Variants in ZFAND3 observed in about 807,000 individuals in gnomAD.
ZFAND3 encodes the protein AN1-type zinc finger protein 3.
ZFAND3 carries 10 observed loss-of-function variants against 29.6 expected under a neutral mutation model. The ratio of observed to expected loss-of-function variants is 0.34; its 90% CI spans 0.21 to 0.57. The LOEUF is 0.57. Ranked by LOEUF, ZFAND3 falls within the 20% of genes least tolerant of loss-of-function variation. ZFAND3 has a pLI of 0.86. For synonymous variants in ZFAND3, 128 were observed against 112.6 expected (o/e 1.14, Z -0.87); for missense variants, 230 against 304.5 (o/e 0.76, Z 1.82).
chr6:38,116,686 A>G lies in ZFAND3; in HGVS notation c.476A>G (p.Gln159Arg). Residue 159 changes from glutamine (Q) to arginine (R), a missense_variant, in exon 5 of 6, where the codon CAG (glutamine) becomes CGG (arginine). This residue lies in a region of ZFAND3 where 180 missense variants were observed against 202.5 expected (regional missense o/e 0.89). Coordinates refer to ENST00000287218, the MANE Select transcript of ZFAND3 (RefSeq NM_021943.3). Reference protein sequence around the residue: ...SKQKSRRRCFQCQTKLELVQQ... With the variant: ...SKQKSRRRCFRCQTKLELVQQ... ...CAGAAGAGTCGACGTCGGTGCTTCC[A>G]GTGCCAAACCAAACTGGAGCTGGTG... 5 of 1,614,190 alleles carry G rather than the reference A, an allele frequency of 3.1e-6. No individual in the cohort carries two copies. Among genetic ancestry groups the G allele is most frequent in the Non-Finnish European group, 4.2e-6 (5 of 1,180,014 alleles).
intron 1 of ZFAND3, among the ~76,000 whole-genome samples, chr6:37,874,885 A>G (rs541385442): frequency 2.6e-5 from 4 of 152,262 alleles, no homozygotes; most frequent in Admixed American, 1.3e-4. Context: ...CTGTAACACC[A>G]TTCTTAGCTG....
intron 1 of ZFAND3, among the ~76,000 whole-genome samples, chr6:37,835,563 A>T (rs924656445): frequency 1.2e-4 from 18 of 150,006 alleles, no homozygotes; most frequent in South Asian, 2.1e-4. Flanking sequence ...ATCCTTTTTT[A>T]AAAAAATTAT....
intron 3 of ZFAND3, among the ~76,000 whole-genome samples, chr6:38,068,691 C>T (rs1764392918): frequency 6.6e-6 from 1 of 152,072 alleles, no homozygotes; most frequent in Non-Finnish European, 1.5e-5. Context: ...ACTGCATCCA[C>T]CCAAGACATA....
At chr6:37,843,906 AT>A (rs1056559131) in intron 1 of ZFAND3, among the ~76,000 whole-genome samples, 11 of 151,080 alleles carry the variant, frequency 7.3e-5, no homozygotes, top group Admixed American at 2.6e-4. Context: ...CAATAAGATT[AT>A]TTTTTTTCTA....
chr6:37,957,096 A>C (rs926672969), intron 2 of ZFAND3, among the ~76,000 whole-genome samples: 5 of 152,226 alleles, frequency 3.3e-5, no homozygotes, highest in African/African-American at 1.2e-4. Flanking sequence ...GCTGCTCTTC[A>C]GCTCTGGTGT....
At chr6:37,911,116 T>C (rs1244641374) in intron 1 of ZFAND3, among the ~76,000 whole-genome samples, 1 of 152,230 alleles carries the variant, frequency 6.6e-6, no homozygotes, top group African/African-American at 2.4e-5. Context: ...TTTAATATAC[T>C]GTTTTCCATA....
intron 2 of ZFAND3, among the ~76,000 whole-genome samples, chr6:37,953,193 C>T (rs565363933): frequency 6.6e-6 from 1 of 151,912 alleles, no homozygotes; most frequent in South Asian, 2.1e-4. Flanking sequence ...CCCATCTCTT[C>T]TTTTTTTCTT....
At chr6:37,869,924 G>A (rs1036225729) in intron 1 of ZFAND3, among the ~76,000 whole-genome samples, 3 of 151,024 alleles carry the variant, frequency 2.0e-5, no homozygotes, top group Admixed American at 2.0e-4. Flanking sequence ...TTCCTTCTAT[G>A]TTGGGTTTAA....
At chr6:37,921,817 A>T (rs963061989) in intron 1 of ZFAND3, among the ~76,000 whole-genome samples, 5 of 150,934 alleles carry the variant, frequency 3.3e-5, no homozygotes, top group Non-Finnish European at 7.4e-5. Flanking sequence ...TGGCTGAGGC[A>T]GGTAGATTGC....
chr6:38,140,256 G>A (rs78680078), intron 5 of ZFAND3, among the ~76,000 whole-genome samples: 13,108 of 152,240 alleles, frequency 0.086, 749 homozygotes, highest in East Asian at 0.29. Context: ...TACATAGTTA[G>A]AATTTTAACC....
intron 2 of ZFAND3, among the ~76,000 whole-genome samples, chr6:38,041,704 TCCTCCTCCTCCTC>T (rs1763777134): frequency 0.045 from 20 of 446 alleles, 5 homozygotes; most frequent in African/African-American, 0.062. Context: ...CTTCTCCTCC[TCCTCCTCCTCCTC>T]CTCCTCCTCC....
chr6:38,071,805 C>G (rs1457667570), intron 3 of ZFAND3, among the ~76,000 whole-genome samples: 1 of 152,160 alleles, frequency 6.6e-6, no homozygotes, highest in East Asian at 1.9e-4. Context: ...CTACTTTGCT[C>G]TGTCCCAGAA....
rs199686643 is a variant in ZFAND3, at chr6:38,082,419, T to C, written c.323T>C (p.Val108Ala). The C allele has an allele frequency of 1.2e-4, 195 of 1,612,232 alleles. 4 individuals carry two copies. The South Asian group carries it at 2.1e-3, about 17-fold the overall frequency. Residue 108 changes from valine to alanine, a missense_variant, in exon 4 of 6, where the codon GTC becomes GCC. Physicochemically the swap from Val to Ala is moderately conservative, Grantham distance 64. This residue lies in a region of ZFAND3 where 180 missense variants were observed against 202.5 expected (regional missense o/e 0.89). Coordinates refer to ENST00000287218, the MANE Select transcript of ZFAND3 (RefSeq NM_021943.3). ...ECGPCTDTAHVSLITPTKRSC... is the reference protein window; with the variant it reads ...ECGPCTDTAHASLITPTKRSC... ...GGGCCATGCACAGACACAGCTCATG[T>C]CTCATTAATCACACCAACAAAAAGA...
intron 2 of ZFAND3, among the ~76,000 whole-genome samples, chr6:37,945,778 T>C (rs1761890319): frequency 6.6e-6 from 1 of 152,238 alleles, no homozygotes; most frequent in Non-Finnish European, 1.5e-5. Context: ...AACACTGTTT[T>C]ATATAGTTGT....
At chr6:37,881,024 T>A (rs920310376) in intron 1 of ZFAND3, among the ~76,000 whole-genome samples, 2 of 149,274 alleles carry the variant, frequency 1.3e-5, no homozygotes, top group South Asian at 2.1e-4. Flanking sequence ...AAAAAAAAAA[T>A]ACTCTTCAAG....
At position 37,880,399 on chromosome 6, in the gene ZFAND3, G is replaced by T. The variant is rs188989060; in HGVS notation, c.72-49560G>T. ...TCTCCCACTAAAATTTTACCTGACA[G>T]TGAGGTCAGTCAAACAATGGAATAA... On this transcript the variant is annotated intron_variant, in intron 1 of 5. Transcript: ENST00000287218. Among the ~76,000 whole-genome samples the T allele has an allele frequency of 3.0e-3, 453 of 152,276 alleles. 3 individuals carry two copies. Among genetic ancestry groups the T allele is most frequent in the African/African-American group, 0.01 (430 of 41,552 alleles).
intron 4 of ZFAND3, among the ~76,000 whole-genome samples, chr6:38,111,937 A>G (rs1158616954): frequency 1.3e-5 from 2 of 152,198 alleles, no homozygotes; most frequent in Non-Finnish European, 2.9e-5. Context: ...CATCTATGGA[A>G]TTTGGTATCC....
intron 2 of ZFAND3, among the ~76,000 whole-genome samples, chr6:38,049,276 C>T (rs945073409): frequency 6.6e-6 from 1 of 152,130 alleles, no homozygotes; most frequent in Non-Finnish European, 1.5e-5. Context: ...TTTAAGAAGT[C>T]GGAAGAGGAA....
At chr6:37,992,250 A>G (rs1762771961) in intron 2 of ZFAND3, among the ~76,000 whole-genome samples, 1 of 152,162 alleles carries the variant, frequency 6.6e-6, no homozygotes. Context: ...GCTGCCCATC[A>G]TGTATCAGCA....
Sources: allele counts gnomAD v4.1 joint callset (sites outside exome capture counted in the v4.1 genomes callset), GRCh38; gene constraint gnomAD v4.1.1; regional missense constraint gnomAD v4.1.1; transcripts MANE v1.5; gene names NCBI Gene and HGNC (gene_info 2026-07-23, HGNC 2026-07-21).